The following DPP10 variants were observed in gnomAD, a reference collection of about 807,000 sequenced individuals.
The protein encoded by DPP10 is inactive dipeptidyl peptidase 10.
A neutral mutation model predicts 120.9 loss-of-function variants in DPP10; 33 were observed. The observed-to-expected ratio is 0.27, with a 90% confidence interval of 0.21 to 0.37. The LOEUF is 0.37. DPP10 is among the 10% of genes least tolerant of loss of function. The pLI is 1.00. For missense variants in DPP10, 816 were observed against 942.8 expected (o/e 0.87, Z 1.76); for synonymous variants, 337 against 326.1 (o/e 1.03, Z -0.36).
chr2:114,686,537 T>G (rs1699381041), intron 1 of DPP10, among the ~76,000 whole-genome samples: 1 of 151,924 alleles, frequency 6.6e-6, no homozygotes, highest in Non-Finnish European at 1.5e-5. Context: ...TAAGTTGCTT[T>G]TAATTCTTCA....
chr2:114,686,849 C>T (rs1207465342), intron 1 of DPP10, among the ~76,000 whole-genome samples: 1 of 152,030 alleles, frequency 6.6e-6, no homozygotes, highest in East Asian at 2.0e-4. Context: ...AAGTATCACA[C>T]ATGCATTCAT....
chr2:115,167,260 G>GAAA (rs563385836), intron 1 of DPP10, among the ~76,000 whole-genome samples: 1 of 132,430 alleles, frequency 7.6e-6, no homozygotes, highest in African/African-American at 2.7e-5. Context: ...AGACAAAATA[G>GAAA]AAAAAAAAAA....
At chr2:115,359,014 C>T (rs1176778064) in intron 3 of DPP10, among the ~76,000 whole-genome samples, 1 of 152,162 alleles carries the variant, frequency 6.6e-6, no homozygotes, top group Non-Finnish European at 1.5e-5. Context: ...GATGAGATTT[C>T]ACTGGGGATG....
At chr2:114,663,640 GATATAT>G (rs748891458) in intron 1 of DPP10, among the ~76,000 whole-genome samples, 3,868 of 107,842 alleles carry the variant, frequency 0.036, 102 homozygotes, top group Non-Finnish European at 0.049. Flanking sequence ...TACATGTACA[GATATAT>G]ATATATATAT....
chr2:115,142,882 T>C (rs1225924393), intron 1 of DPP10, among the ~76,000 whole-genome samples: 4 of 152,170 alleles, frequency 2.6e-5, no homozygotes, highest in African/African-American at 9.7e-5. Context: ...GAGAGGCCTA[T>C]TACCCTTGCT....
At chr2:115,033,414 T>TATTATTTAG (rs1335620693) in intron 1 of DPP10, among the ~76,000 whole-genome samples, 3 of 152,266 alleles carry the variant, frequency 2.0e-5, no homozygotes, top group Non-Finnish European at 4.4e-5. Flanking sequence ...GTGGCTCCTT[T>TATTATTTAG]TGCTCAGCCA....
At chr2:115,277,548 C>T (rs899977976) in intron 1 of DPP10, among the ~76,000 whole-genome samples, 2 of 124,408 alleles carry the variant, frequency 1.6e-5, no homozygotes, top group African/African-American at 6.0e-5. Flanking sequence ...TGTTTTATAA[C>T]AATGTCATTT....
intron 1 of DPP10, among the ~76,000 whole-genome samples, chr2:114,675,844 A>G (rs1698637896): frequency 6.6e-6 from 1 of 151,616 alleles, no homozygotes; most frequent in Non-Finnish European, 1.5e-5. Context: ...CCTGTCACCC[A>G]GGCTGGAGTT....
chr2:114,967,813 T>C (rs536175525), intron 1 of DPP10, among the ~76,000 whole-genome samples: 3 of 149,664 alleles, frequency 2.0e-5, no homozygotes, highest in Admixed American at 6.6e-5. Flanking sequence ...TTATCATTAT[T>C]ATTATTCCCA....
chr2:114,756,018 T>A (rs528210012), intron 1 of DPP10, among the ~76,000 whole-genome samples: 2 of 151,116 alleles, frequency 1.3e-5, no homozygotes, highest in Admixed American at 1.3e-4. Flanking sequence ...AGAGGCAGAT[T>A]GTACTTGCTC....
chr2:115,104,710 A>G (rs570456261), intron 1 of DPP10, among the ~76,000 whole-genome samples: 1 of 152,230 alleles, frequency 6.6e-6, no homozygotes, highest in African/African-American at 2.4e-5. Flanking sequence ...GTTATGTAGG[A>G]AAAAAAATCT....
intron 1 of DPP10, among the ~76,000 whole-genome samples, chr2:114,925,075 G>A (rs1334278003): frequency 6.6e-6 from 1 of 151,812 alleles, no homozygotes; most frequent in Non-Finnish European, 1.5e-5. Flanking sequence ...TCTGGGCATA[G>A]TGGCGGGTGC....
rs1246398132 is a variant in DPP10 at position 114,815,517 on chromosome 2, A to C, written c.60+372679A>C. ...GTCTGCTTCATTTTTACTTGTATGT[A>C]GTATACTTTTTAAGTTGTTTTTCAA... On this transcript the variant is annotated intron_variant, in intron 1 of 25. Transcript: ENST00000410059. Among the ~76,000 whole-genome samples the C allele has an allele frequency of 2.0e-5, 3 of 152,302 alleles. No homozygotes were observed. In the East Asian group the frequency reaches 5.8e-4, roughly 29 times the overall value.
intron 9 of DPP10, among the ~76,000 whole-genome samples, chr2:115,740,471 T>G (rs190112929): frequency 6.6e-6 from 1 of 152,064 alleles, no homozygotes; most frequent in Admixed American, 6.6e-5. Flanking sequence ...CCATAAAGAA[T>G]AGACTAAGCA....
intron 1 of DPP10, among the ~76,000 whole-genome samples, chr2:115,144,648 C>A (rs2051119548): frequency 8.6e-6 from 1 of 116,086 alleles, no homozygotes; most frequent in African/African-American, 3.5e-5. Context: ...GGGAACATCA[C>A]ATTCTGGGGA....
At position 115,741,305 on chromosome 2, in the gene DPP10, G is replaced by A. The variant is rs144231212; in HGVS notation, c.852+1412G>A. ...GTCTTCTCTGGACATAGATTAGAAA[G>A]CAGATATACTCAGTGCTTTTTAGGA... On this transcript the variant is annotated intron_variant, in intron 9 of 25. Coordinates refer to ENST00000410059, the MANE Select transcript of DPP10 (RefSeq NM_020868.6). Among the ~76,000 whole-genome samples, 19 of 152,030 alleles carry A rather than the reference G, an allele frequency of 1.2e-4. No individual in the cohort carries two copies. The East Asian group carries it at 3.7e-3, about 29-fold the overall frequency.
At chr2:115,162,838 T>C (rs1044335906) in intron 1 of DPP10, among the ~76,000 whole-genome samples, 1 of 152,116 alleles carries the variant, frequency 6.6e-6, no homozygotes, top group African/African-American at 2.4e-5. Context: ...TCTCTGTCCC[T>C]GATCTGGGGT....
In DPP10 at chr2:115,716,785, T is replaced by C. The variant is rs139880574; in HGVS notation, c.577-11031T>C. On this transcript the variant is annotated intron_variant, in intron 7 of 25. Coordinates refer to ENST00000410059, the MANE Select transcript of DPP10 (RefSeq NM_020868.6). ...TGCCTTGAAATTTTATGAAGTAGTA[T>C]AAAAAGTCAAGCTGTGGGAAAAATG... is the stretch of plus-strand genomic sequence containing the variant. 8.5e-5 allele frequency among the ~76,000 whole-genome samples: 13 copies of C among 152,216 alleles called. No individual in the cohort carries two copies. In the East Asian group the frequency reaches 2.5e-3, roughly 29 times the overall value.
intron 1 of DPP10, among the ~76,000 whole-genome samples, chr2:114,573,922 A>C (rs888611258): frequency 1.3e-5 from 2 of 152,214 alleles, no homozygotes; most frequent in African/African-American, 4.8e-5. Context: ...TTGCTAGGAC[A>C]TCTCCACTTT....
Sources: allele counts gnomAD v4.1 joint callset (sites outside exome capture counted in the v4.1 genomes callset), GRCh38; gene constraint gnomAD v4.1.1; transcripts MANE v1.5; gene names NCBI Gene and HGNC (gene_info 2026-07-23, HGNC 2026-07-21).